ERGIC1: variants seen among roughly 807,000 people sequenced by gnomAD.
The protein encoded by ERGIC1 is endoplasmic reticulum-Golgi intermediate compartment protein 1.
In ERGIC1, 19 loss-of-function variants were observed where a neutral mutation model predicts 38.3. The observed-to-expected ratio is 0.50, with a 90% confidence interval of 0.35 to 0.73. The LOEUF (loss-of-function observed/expected upper bound fraction) is 0.73, where lower values mean the gene tolerates loss of function less well. Ranked by LOEUF, ERGIC1 falls within the 30% of genes least tolerant of loss-of-function variation. The probability of loss-of-function intolerance (pLI) is 0.01; values close to 1 mark genes in which losing one functional copy is unlikely to be tolerated. For missense variants in ERGIC1, 294 were observed against 389.2 expected, an observed-to-expected ratio of 0.76 and a Z score of 2.06; for synonymous variants, 124 against 157.6, an observed-to-expected ratio of 0.79 and a Z score of 1.60.
chr5:172,948,315 T>C (rs1764166469), intron 9 of ERGIC1, among the ~76,000 whole-genome samples: 1 of 152,194 alleles, frequency 6.6e-6, no homozygotes, highest in African/African-American at 2.4e-5. Flanking sequence ...AAATAAACAC[T>C]GGTTTGATTC....
chr5:172,862,807 C>T (rs767888416), intron 1 of ERGIC1, among the ~76,000 whole-genome samples: 4 of 152,198 alleles, frequency 2.6e-5, no homozygotes, highest in Non-Finnish European at 5.9e-5. Flanking sequence ...AAAAAGCTTG[C>T]ATAGATGAGT....
intron 5 of ERGIC1, chr5:172,920,249 C>A: frequency 1.4e-6 from 1 of 707,138 alleles, no homozygotes; most frequent in South Asian, 1.5e-5. Flanking sequence ...AAGAGGTGCT[C>A]AAAGAAGCCA....
intron 1 of ERGIC1, among the ~76,000 whole-genome samples, chr5:172,882,576 T>C (rs17189657): frequency 0.075 from 11,387 of 152,232 alleles, 524 homozygotes; most frequent in Middle Eastern, 0.13. Context: ...AGCTTCCATT[T>C]TCTCCCTGGA....
rs543812203 is a variant in ERGIC1, at chr5:172,860,598, G to A, written c.20+26165G>A. ...GTGTGCAAGCCTCAGAGCTGTGACC[G>A]TGAAAGAAACAGACTTCTCTGAGGC... is the stretch of plus-strand genomic sequence containing the variant. On this transcript the variant is annotated intron_variant, in intron 1 of 9. Transcript: ENST00000393784. Among the ~76,000 whole-genome samples, 5 of 152,316 alleles carry A rather than the reference G, an allele frequency of 3.3e-5. No homozygotes were observed. In the South Asian group the frequency reaches 6.2e-4, roughly 19 times the overall value.
intron 3 of ERGIC1, among the ~76,000 whole-genome samples, chr5:172,906,608 C>T (rs949849310): frequency 6.6e-6 from 1 of 152,170 alleles, no homozygotes; most frequent in Non-Finnish European, 1.5e-5. Context: ...TTAGTAAAAA[C>T]GAAATTCCTT....
At chr5:172,927,299 C>A (rs1763676087) in intron 7 of ERGIC1, among the ~76,000 whole-genome samples, 1 of 152,184 alleles carries the variant, frequency 6.6e-6, no homozygotes, top group South Asian at 2.1e-4. Context: ...TAACCCACAT[C>A]TTTTCTTATT....
intron 5 of ERGIC1, among the ~76,000 whole-genome samples, chr5:172,923,418 C>T (rs1023262285): frequency 6.6e-6 from 1 of 152,070 alleles, no homozygotes; most frequent in African/African-American, 2.4e-5. Context: ...GGAGAAGCTG[C>T]AGTGGCTCCT....
At chr5:172,944,381 G>A (rs925314988) in intron 9 of ERGIC1, among the ~76,000 whole-genome samples, 6 of 151,256 alleles carry the variant, frequency 4.0e-5, no homozygotes, top group Admixed American at 1.3e-4. Flanking sequence ...TTTCTGAGAC[G>A]GAGTTTCACT....
intron 9 of ERGIC1, among the ~76,000 whole-genome samples, chr5:172,944,938 C>T (rs1001175089): frequency 2.6e-5 from 4 of 152,208 alleles, no homozygotes; most frequent in Non-Finnish European, 4.4e-5. Flanking sequence ...TCACCTTTGC[C>T]GCTGCCTTGG....
chr5:172,878,669 A>G (rs1173377892), intron 1 of ERGIC1, among the ~76,000 whole-genome samples: 2 of 152,130 alleles, frequency 1.3e-5, no homozygotes, highest in Non-Finnish European at 1.5e-5. Flanking sequence ...AGAGAGTGGT[A>G]TGAACTCATC....
intron 1 of ERGIC1, among the ~76,000 whole-genome samples, chr5:172,847,664 G>A (rs1248080731): frequency 3.3e-5 from 5 of 152,016 alleles, no homozygotes; most frequent in African/African-American, 7.3e-5. Flanking sequence ...ACAGGTGCGC[G>A]CCACCACACC....
chr5:172,947,551 C>T (rs1243937191), intron 9 of ERGIC1, among the ~76,000 whole-genome samples: 2 of 152,198 alleles, frequency 1.3e-5, no homozygotes, highest in Non-Finnish European at 2.9e-5. Context: ...TGAACAGTGA[C>T]CAGCCCCTTC....
intron 5 of ERGIC1, chr5:172,918,453 G>C (rs1763428797): frequency 1.3e-5 from 2 of 152,270 alleles, no homozygotes; most frequent in Non-Finnish European, 1.5e-5. Flanking sequence ...CAGTCACTTC[G>C]AGGTGGGGAG....
intron 4 of ERGIC1, among the ~76,000 whole-genome samples, chr5:172,911,993 T>C (rs140971283): frequency 6.6e-6 from 1 of 152,168 alleles, no homozygotes; most frequent in East Asian, 1.9e-4. Flanking sequence ...ATATTGGGTT[T>C]GGGGTTGTTT....
At chr5:172,880,127 C>T (rs924014833) in intron 1 of ERGIC1, among the ~76,000 whole-genome samples, 5 of 151,892 alleles carry the variant, frequency 3.3e-5, no homozygotes, top group African/African-American at 1.2e-4. Flanking sequence ...ACCTCCACCT[C>T]CCAGATTCAA....
At chr5:172,843,224 C>G (rs1423075338) in intron 1 of ERGIC1, among the ~76,000 whole-genome samples, 1 of 152,064 alleles carries the variant, frequency 6.6e-6, no homozygotes, top group East Asian at 1.9e-4. Context: ...GGATATTAGC[C>G]CCTTATCAGG....
intron 7 of ERGIC1, among the ~76,000 whole-genome samples, chr5:172,927,670 C>T (rs1026322571): frequency 6.6e-6 from 1 of 151,470 alleles, no homozygotes; most frequent in African/African-American, 2.4e-5. Flanking sequence ...ACCTCAGCCT[C>T]CCGGGTTCAA....
chr5:172,834,587 C>CG lies in ERGIC1; in HGVS notation c.20+154_20+155insG, dbSNP rs1221598911. 6.0e-5 allele frequency among the ~76,000 whole-genome samples: 8 copies of CG among 132,944 alleles called. No homozygotes were observed. Among genetic ancestry groups the CG allele is most frequent in the Non-Finnish European group, 9.9e-5 (6 of 60,656 alleles). 87.2% of individuals were successfully genotyped at this position (132,944 alleles called of 152,430 possible). ...CCTAGGGACCCCAGGCGAGCCCCCC[C>CG]CCTGCCGCACACGAAGCCAGCCAGA... On this transcript the variant is annotated intron_variant, in intron 1 of 9. Transcript: ENST00000393784. The surrounding 1 kb of genome is among the most constrained non-coding windows in gnomAD (Gnocchi z 4.1).
chr5:172,907,811 G>A (rs1050927197), intron 3 of ERGIC1, among the ~76,000 whole-genome samples: 4 of 152,166 alleles, frequency 2.6e-5, no homozygotes, highest in South Asian at 2.1e-4. Flanking sequence ...ACTAATCAGC[G>A]TTGGGGGTGG....
Sources: allele counts gnomAD v4.1 joint callset (sites outside exome capture counted in the v4.1 genomes callset), GRCh38; gene constraint gnomAD v4.1.1; non-coding constraint Gnocchi (gnomAD v3.1); transcripts MANE v1.5; gene names NCBI Gene and HGNC (gene_info 2026-07-23, HGNC 2026-07-21).